Variants in PRKG2 observed in about 807,000 individuals in gnomAD.
PRKG2 encodes the protein protein kinase cGMP-dependent 2, also known as cGMP-dependent protein kinase 2.
PRKG2 carries 33 observed loss-of-function variants against 97.2 expected under a neutral mutation model. The ratio of observed to expected loss-of-function variants is 0.34; its 90% CI spans 0.26 to 0.45. PRKG2 has a LOEUF of 0.45. Ranked by LOEUF, PRKG2 falls within the 20% of genes least tolerant of loss-of-function variation. The pLI, the probability that PRKG2 is intolerant of heterozygous loss-of-function variation, is 1.00. For synonymous variants in PRKG2, 330 were observed against 321.8 expected, an observed-to-expected ratio of 1.03 and a Z score of -0.27; for missense variants, 638 against 900.0, an observed-to-expected ratio of 0.71 and a Z score of 3.73.
intron 17 of PRKG2, among the ~76,000 whole-genome samples, chr4:81,099,808 G>A (rs1742532038): frequency 6.6e-6 from 1 of 152,038 alleles, no homozygotes. Flanking sequence ...GTGTATCTAG[G>A]AAACCCCACT....
intron 17 of PRKG2, among the ~76,000 whole-genome samples, chr4:81,099,405 A>C (rs138171452): frequency 0.026 from 4,032 of 152,244 alleles, 195 homozygotes; most frequent in African/African-American, 0.092. Context: ...AGGCTGGTTC[A>C]ATATACGCAA....
At chr4:81,187,842 C>T (rs1752022497) in intron 2 of PRKG2, among the ~76,000 whole-genome samples, 1 of 151,666 alleles carries the variant, frequency 6.6e-6, no homozygotes. Context: ...GAACTGGATC[C>T]CTTCCTTACA....
At chr4:81,153,909 C>G (rs1748683654) in intron 6 of PRKG2, among the ~76,000 whole-genome samples, 188 bp from the exon 7 acceptor site, 1 of 152,194 alleles carries the variant, frequency 6.6e-6, no homozygotes, top group African/African-American at 2.4e-5. Flanking sequence ...AGTGGGTGCG[C>G]GCACCGTGCG....
intron 17 of PRKG2, among the ~76,000 whole-genome samples, chr4:81,097,592 C>A (rs751018343): frequency 3.9e-5 from 6 of 152,174 alleles, no homozygotes; most frequent in Non-Finnish European, 8.8e-5. Context: ...TAGACAGTAT[C>A]TTCTTTCAAT....
intron 6 of PRKG2, among the ~76,000 whole-genome samples, chr4:81,161,972 A>C (rs1749621444): frequency 6.6e-6 from 1 of 152,120 alleles, no homozygotes; most frequent in Non-Finnish European, 1.5e-5. Context: ...CTACCACAAT[A>C]AGCCAATGAA....
At chr4:81,185,217 C>T (rs1751764043) in intron 2 of PRKG2, among the ~76,000 whole-genome samples, 1 of 152,050 alleles carries the variant, frequency 6.6e-6, no homozygotes, top group African/African-American at 2.4e-5. Flanking sequence ...ATGTTAAGGG[C>T]AGCCAGAGAG....
At chr4:81,217,031 G>GTATATATATATATATATATA (rs35897460), upstream of PRKG2, among the ~76,000 whole-genome samples, 18 of 115,282 alleles carry the variant, frequency 1.6e-4, 1 homozygote, top group East Asian at 1.2e-3. Context: ...TATATATTTT[G>GTATATATATATATATATATA]TATATATATA....
At chr4:81,108,526 A>T (rs1457129170) in intron 15 of PRKG2, among the ~76,000 whole-genome samples, 1 of 148,870 alleles carries the variant, frequency 6.7e-6, no homozygotes, top group East Asian at 2.0e-4. Flanking sequence ...TCTGGAGTTC[A>T]GGGCATTTAA....
intron 3 of PRKG2, among the ~76,000 whole-genome samples, chr4:81,173,520 G>C (rs1278890754): frequency 6.6e-6 from 1 of 152,096 alleles, no homozygotes; most frequent in African/African-American, 2.4e-5. Context: ...ATGGCTAAGA[G>C]AAAAGTTGCA....
rs766935925 is a variant in PRKG2 at position 81,161,166 on chromosome 4, C to T, written c.912+5995G>A. ...GTTACTCCTAATACTAACAAACATG[C>T]GTTTTATTTTCATAACACTATGTAC... On this transcript the variant is annotated intron_variant, in intron 6 of 18. Coordinates refer to ENST00000264399, the MANE Select transcript of PRKG2 (RefSeq NM_006259.3). Among the ~76,000 whole-genome samples the T allele has an allele frequency of 3.4e-4, 52 of 152,154 alleles. 1 individual carries two copies. The highest frequency in any genetic ancestry group is 8.3e-4 in the South Asian group (4 of 4,818).
At chr4:81,134,922 CTATTA>C (rs1258001596) in intron 14 of PRKG2, among the ~76,000 whole-genome samples, 1 of 152,078 alleles carries the variant, frequency 6.6e-6, no homozygotes, top group Non-Finnish European at 1.5e-5. Context: ...TAAAGGCATT[CTATTA>C]TGTGAACCTT....
intron 2 of PRKG2, among the ~76,000 whole-genome samples, chr4:81,203,854 G>A (rs1273073992): frequency 2.0e-5 from 3 of 152,126 alleles, no homozygotes. Flanking sequence ...CTTCCTGCCT[G>A]GTTCATGCTC....
At chr4:81,166,671 T>C (rs1241806213) in intron 6 of PRKG2, among the ~76,000 whole-genome samples, 1 of 152,128 alleles carries the variant, frequency 6.6e-6, no homozygotes, top group Non-Finnish European at 1.5e-5. Context: ...GCTTCTTAAA[T>C]ACAGTTTTTA....
At chr4:81,126,474 C>G (rs1285893976) in intron 14 of PRKG2, among the ~76,000 whole-genome samples, 1 of 152,204 alleles carries the variant, frequency 6.6e-6, no homozygotes, top group Non-Finnish European at 1.5e-5. Flanking sequence ...AATGGTTGAA[C>G]TAATTTACAC....
chr4:81,168,040 A>AT (rs1750142813), intron 5 of PRKG2, among the ~76,000 whole-genome samples: 1 of 148,582 alleles, frequency 6.7e-6, no homozygotes, highest in African/African-American at 2.5e-5. Flanking sequence ...AAAAATGTAA[A>AT]TAAAAAAAAT....
intron 2 of PRKG2, among the ~76,000 whole-genome samples, chr4:81,194,081 T>C (rs1310583201): frequency 6.6e-6 from 1 of 152,142 alleles, no homozygotes; most frequent in African/African-American, 2.4e-5. Context: ...TGTGCCCGCT[T>C]TCCTTTGCAT....
intron 16 of PRKG2, among the ~76,000 whole-genome samples, chr4:81,105,592 T>TTAAA (rs1743242426): frequency 6.6e-6 from 1 of 152,196 alleles, no homozygotes; most frequent in Non-Finnish European, 1.5e-5. Flanking sequence ...ATTTAGATCT[T>TTAAA]TTTTTAAACT....
rs1741208044 is a variant in PRKG2, at chr4:81,087,377, T to G, written c.*2331A>C. On this transcript the variant is annotated 3_prime_UTR_variant, in exon 19 of 19. Coordinates refer to ENST00000264399, the MANE Select transcript of PRKG2 (RefSeq NM_006259.3). ...ACCCTTCATCTCATACACCGAAGTT[T>G]TTGGTCAATCATTTTTACTTCATGA... The G allele has an allele frequency of 6.6e-6, 1 of 152,082 alleles. No individual in the cohort carries two copies. The highest frequency in any genetic ancestry group is 6.5e-5 in the Admixed American group (1 of 15,268). 9.4% of individuals were successfully genotyped at this position (152,082 alleles called of 1,614,324 possible).
At chr4:81,093,360 A>AACACACACACACACAC (rs60004845) in intron 17 of PRKG2, among the ~76,000 whole-genome samples, 7 of 116,282 alleles carry the variant, frequency 6.0e-5, no homozygotes, top group African/African-American at 1.8e-4. Flanking sequence ...CTCCCCCACC[A>AACACACACACACACAC]ACACACACAC....
Sources: allele counts gnomAD v4.1 joint callset (sites outside exome capture counted in the v4.1 genomes callset), GRCh38; gene constraint gnomAD v4.1.1; transcripts MANE v1.5; gene names NCBI Gene and HGNC (gene_info 2026-07-23, HGNC 2026-07-21).